The following FGGY variants were observed in gnomAD, a reference collection of about 807,000 sequenced individuals.
The protein encoded by FGGY is FGGY carbohydrate kinase domain-containing protein.
In FGGY, 72 loss-of-function variants were observed where a neutral mutation model predicts 71.3. The observed-to-expected ratio is 1.01, with a 90% CI of 0.84 to 1.23. The LOEUF (loss-of-function observed/expected upper bound fraction) is 1.23. Ranked by LOEUF, FGGY falls within the 50% of genes most tolerant of loss-of-function variation. The pLI, the probability that FGGY is intolerant of heterozygous loss-of-function variation, is 0.00. For missense variants in FGGY, 668 were observed against 682.3 expected, an observed-to-expected ratio of 0.98 and a Z score of 0.23; for synonymous variants, 251 against 250.3, an observed-to-expected ratio of 1.00 and a Z score of -0.02.
intron 8 of FGGY, among the ~76,000 whole-genome samples, chr1:59,596,034 A>G (rs1215908157): frequency 6.6e-6 from 1 of 152,150 alleles, no homozygotes; most frequent in Non-Finnish European, 1.5e-5. Context: ...CTTACATATT[A>G]GCGTGATCTT....
chr1:59,720,620 T>C (rs371951687), intron 14 of FGGY, among the ~76,000 whole-genome samples: 22 of 152,362 alleles, frequency 1.4e-4, no homozygotes, highest in African/African-American at 4.8e-4. Context: ...GGAAAGGAGA[T>C]GACATGCCTT....
At chr1:59,454,033 C>T (rs930238738) in intron 5 of FGGY, among the ~76,000 whole-genome samples, 4 of 152,058 alleles carry the variant, frequency 2.6e-5, no homozygotes, top group African/African-American at 4.8e-5. Context: ...GAGAGAGCCA[C>T]GAGTTTAGCT....
chr1:59,431,016 C>G (rs1407001496), intron 5 of FGGY, among the ~76,000 whole-genome samples: 1 of 152,146 alleles, frequency 6.6e-6, no homozygotes, highest in African/African-American at 2.4e-5. Flanking sequence ...CCTTCCATAT[C>G]CATTACTGTT....
intron 6 of FGGY, among the ~76,000 whole-genome samples, chr1:59,498,859 A>C (rs2094130452): frequency 6.6e-6 from 1 of 152,210 alleles, no homozygotes; most frequent in South Asian, 2.1e-4. Flanking sequence ...CTAAATGCCA[A>C]CTTGGCAAAT....
chr1:59,532,060 C>T (rs922140487), intron 7 of FGGY, among the ~76,000 whole-genome samples: 2 of 152,102 alleles, frequency 1.3e-5, no homozygotes, highest in African/African-American at 4.8e-5. Context: ...ACAGAAAAGT[C>T]CATATGCTGG....
chr1:59,559,791 A>T (rs538207968), intron 8 of FGGY, among the ~76,000 whole-genome samples: 101 of 152,346 alleles, frequency 6.6e-4, no homozygotes, highest in Non-Finnish European at 1.1e-3. Context: ...GGAACAATTT[A>T]AGCAGTAAAA....
intron 5 of FGGY, among the ~76,000 whole-genome samples, chr1:59,441,880 C>T (rs1378707423): frequency 6.6e-6 from 1 of 152,150 alleles, no homozygotes; most frequent in Non-Finnish European, 1.5e-5. Context: ...CAGGATTATG[C>T]TTGAACTGAA....
In FGGY at chr1:59,381,063, T is replaced by G. The variant is rs576577410; in HGVS notation, c.554+2226T>G. Among the ~76,000 whole-genome samples, 48 of 152,234 alleles carry G rather than the reference T, an allele frequency of 3.2e-4. No individual in the cohort carries two copies. The East Asian group carries it at 7.3e-3, about 23-fold the overall frequency. ...TTAAATAGGGAATCCTTTCCCCATT[T>G]CTTGTTTTTCTCAGGTTTGTCAAAG... is the stretch of plus-strand genomic sequence containing the variant. On this transcript the variant is annotated intron_variant, in intron 5 of 15. Transcript: ENST00000303721.
At chr1:59,330,593 G>GAAAA (rs2048289642) in intron 2 of FGGY, among the ~76,000 whole-genome samples, 1 of 150,858 alleles carries the variant, frequency 6.6e-6, no homozygotes, top group Non-Finnish European at 1.5e-5. Context: ...GAAAAGAAAA[G>GAAAA]AAATGGAGAC....
chr1:59,343,772 C>T (rs2051195981), intron 3 of FGGY, among the ~76,000 whole-genome samples: 1 of 152,130 alleles, frequency 6.6e-6, no homozygotes, highest in Non-Finnish European at 1.5e-5. Flanking sequence ...AGTAATGATT[C>T]TGTACAATTT....
chr1:59,491,913 G>A (rs1043538514), intron 6 of FGGY, among the ~76,000 whole-genome samples: 1 of 152,216 alleles, frequency 6.6e-6, no homozygotes, highest in Non-Finnish European at 1.5e-5. Flanking sequence ...ATCTTGTAAA[G>A]TTATAATAGA....
At chr1:59,578,898 G>A (rs375699503) in intron 8 of FGGY, among the ~76,000 whole-genome samples, 3 of 152,046 alleles carry the variant, frequency 2.0e-5, no homozygotes, top group African/African-American at 7.3e-5. Context: ...AAGAATGGGA[G>A]GGGGAGAGCG....
intron 11 of FGGY, among the ~76,000 whole-genome samples, chr1:59,648,113 G>A (rs1408783158): frequency 8.8e-6 from 1 of 113,310 alleles, no homozygotes; most frequent in African/African-American, 4.2e-5. Flanking sequence ...ATTCCATGGT[G>A]TATATGTGCC....
chr1:59,597,441 C>T (rs201054326), intron 8 of FGGY, among the ~76,000 whole-genome samples: 1 of 152,196 alleles, frequency 6.6e-6, no homozygotes, highest in Non-Finnish European at 1.5e-5. Flanking sequence ...TCTCCCTCTT[C>T]TCTAGAGCCA....
At chr1:59,356,068 C>T (rs2054258194) in intron 4 of FGGY, among the ~76,000 whole-genome samples, 1 of 152,094 alleles carries the variant, frequency 6.6e-6, no homozygotes, top group Admixed American at 6.5e-5. Flanking sequence ...AAGGGAACGG[C>T]TGGAGCTGAA....
intron 7 of FGGY, among the ~76,000 whole-genome samples, chr1:59,536,996 G>A (rs1382758399): frequency 6.6e-6 from 1 of 151,948 alleles, no homozygotes; most frequent in Non-Finnish European, 1.5e-5. Flanking sequence ...GTTCTGGCCA[G>A]GGCAATCAGG....
chr1:59,629,503 T>C (rs970352008), intron 10 of FGGY, among the ~76,000 whole-genome samples: 4 of 152,224 alleles, frequency 2.6e-5, no homozygotes, highest in African/African-American at 9.6e-5. Context: ...AGAGGGATTA[T>C]GTCACATAAC....
intron 14 of FGGY, among the ~76,000 whole-genome samples, chr1:59,722,564 C>G (rs138517123): frequency 1.8e-3 from 274 of 152,270 alleles, no homozygotes; most frequent in Middle Eastern, 0.017. Flanking sequence ...TGGTTATAAT[C>G]CAGTACTACT....
At chr1:59,435,777 TGTGTGTG>T (rs2068324884) in intron 5 of FGGY, among the ~76,000 whole-genome samples, 1 of 151,686 alleles carries the variant, frequency 6.6e-6, no homozygotes, top group African/African-American at 2.4e-5. Context: ...TGTGTGTGTG[TGTGTGTG>T]TGTATTTTCT....
Sources: gnomAD v4.1 joint callset for allele counts (sites outside exome capture counted in the v4.1 genomes callset) on GRCh38, gnomAD v4.1.1 for gene constraint, MANE v1.5 for transcripts, NCBI Gene and HGNC (gene_info 2026-07-23, HGNC 2026-07-21) for gene names.